Variants in RELN observed in about 807,000 individuals in gnomAD.
RELN encodes the protein reelin.
In RELN, 108 loss-of-function variants were observed where a neutral mutation model predicts 427.6. The ratio of observed to expected loss-of-function variants is 0.25; its 90% CI spans 0.22 to 0.30. RELN has a LOEUF of 0.30. Ranked by LOEUF, RELN falls within the 10% of genes least tolerant of loss-of-function variation. The pLI is 1.00. For missense variants in RELN, 3,715 were observed against 4,302.8 expected (o/e 0.86, Z 3.82); for synonymous variants, 1,524 against 1,513.4 (o/e 1.01, Z -0.16).
At chr7:103,631,188 G>GCAATAGAAGAAAACATATTTTC (rs1393526533) in intron 19 of RELN, among the ~76,000 whole-genome samples, 1 of 149,766 alleles carries the variant, frequency 6.7e-6, no homozygotes, top group Non-Finnish European at 1.5e-5. Context: ...AGGACTTGTT[G>GCAATAGAAGAAAACATATTTTC]CAATAGAAGA....
rs1831742852 is a variant in RELN, at chr7:103,603,992, C to T, written c.3146+354G>A. On this transcript the variant is annotated intron_variant, in intron 23 of 64. Coordinates refer to ENST00000428762, the MANE Select transcript of RELN (RefSeq NM_005045.4). The surrounding 1 kb of genome is among the most constrained non-coding windows in gnomAD (Gnocchi z 4.3). Reference sequence around the variant, plus strand: ...ATCTCCCCATGTATACAACCTTGAACTTCTGGTGAAGTGGTGTAAGAGGGC... The same window carrying T: ...ATCTCCCCATGTATACAACCTTGAATTTCTGGTGAAGTGGTGTAAGAGGGC... Among the ~76,000 whole-genome samples, 1 of 151,898 alleles carries T rather than the reference C, an allele frequency of 6.6e-6. No individual in the cohort carries two copies. Among genetic ancestry groups the T allele is most frequent in the Non-Finnish European group, 1.5e-5 (1 of 67,962 alleles).
Position 103,669,559 on chromosome 7 carries a change from C to CA in RELN, c.1290-8033dup, listed in dbSNP as rs1385323635. Among the ~76,000 whole-genome samples the CA allele has an allele frequency of 5.9e-5, 9 of 152,030 alleles. 1 individual carries two copies. Among genetic ancestry groups the CA allele is most frequent in the Non-Finnish European group, 1.3e-4 (9 of 68,006 alleles). On this transcript the variant is annotated intron_variant, in intron 11 of 64. Transcript: ENST00000428762. ...ACAAAGTTGTGGTCATTTCCTGTTA[C>CA]AAAAATTATATAGTTCCTGACTCTC...
At chr7:103,828,377 G>A (rs1281998614) in intron 3 of RELN, among the ~76,000 whole-genome samples, 1 of 129,452 alleles carries the variant, frequency 7.7e-6, no homozygotes, top group African/African-American at 2.9e-5. Flanking sequence ...CATATCAAAT[G>A]TTCAAATATG....
chr7:103,982,542 G>A (rs1175505698), intron 1 of RELN, among the ~76,000 whole-genome samples: 2 of 152,164 alleles, frequency 1.3e-5, no homozygotes, highest in Non-Finnish European at 2.9e-5. Flanking sequence ...GAACAAAGTG[G>A]TGAAGCAGAA....
chr7:103,472,731 T>C lies in RELN; in HGVS notation c.*81A>G, dbSNP rs560856156. On this transcript the variant is annotated 3_prime_UTR_variant, in exon 65 of 65. Transcript: ENST00000428762. The stretch of plus-strand genomic sequence containing the variant: ...CAAGTCCTTCACAGATATTTCCTGA[T>C]ATCAGATGTAGTGCGAGATTTAAAA... 1.1e-4 allele frequency: 125 copies of C among 1,099,704 alleles called. No individual in the cohort carries two copies. Among genetic ancestry groups the C allele is most frequent in the Admixed American group, 3.6e-4 (20 of 55,406 alleles). 68.1% of individuals were successfully genotyped at this position (1,099,704 alleles called of 1,614,324 possible). A position where few individuals can be genotyped will look rare whatever the true frequency, so the allele number is the denominator to read the frequency against.
chr7:103,943,848 CAAA>C lies in RELN; in HGVS notation c.227-26666_227-26664del, dbSNP rs10631941. ...GGGGAATGGAGCAAGATTCTGTCTC[CAAA>C]AAAAAAAAAAAAAAAAAAGAATTGG... On this transcript the variant is annotated intron_variant, in intron 1 of 64. Coordinates refer to ENST00000428762, the MANE Select transcript of RELN (RefSeq NM_005045.4). Among the ~76,000 whole-genome samples the C allele has an allele frequency of 1.5e-3, 115 of 76,434 alleles. No homozygotes were observed. The East Asian group carries it at 0.033, about 22-fold the overall frequency. The allele number at this position is 76,434 out of a possible 152,430, so 50.1% of individuals were successfully genotyped here. A position where few individuals can be genotyped will look rare whatever the true frequency, so the allele number is the denominator to read the frequency against.
chr7:103,834,409 A>T (rs1223079698), intron 2 of RELN, among the ~76,000 whole-genome samples: 1 of 152,196 alleles, frequency 6.6e-6, no homozygotes, highest in East Asian at 1.9e-4. Flanking sequence ...GCCTCATAAC[A>T]TCACAGTTGT....
intron 3 of RELN, among the ~76,000 whole-genome samples, chr7:103,781,823 C>T (rs530912206): frequency 1.3e-5 from 2 of 151,614 alleles, no homozygotes; most frequent in East Asian, 1.9e-4. Flanking sequence ...GATTCATTTC[C>T]AGAATTGTTA....
intron 2 of RELN, among the ~76,000 whole-genome samples, chr7:103,894,215 A>C (rs34109908): frequency 0.4 from 61,287 of 151,984 alleles, 13,400 homozygotes; most frequent in East Asian, 0.83. Flanking sequence ...CTATCTTTTG[A>C]ACAATTCAGC....
At chr7:103,726,850 TCAC>T (rs1357695489) in intron 7 of RELN, among the ~76,000 whole-genome samples, 1 of 152,168 alleles carries the variant, frequency 6.6e-6, no homozygotes, top group Non-Finnish European at 1.5e-5. Context: ...AAGAAAATCT[TCAC>T]CACCAGAGTC....
chr7:103,933,035 A>ACT (rs1795898944), intron 1 of RELN, among the ~76,000 whole-genome samples: 1 of 152,010 alleles, frequency 6.6e-6, no homozygotes. Flanking sequence ...AGGGCAAGAC[A>ACT]CTCTGGTTTG....
chr7:103,724,812 GA>G (rs926905069), intron 7 of RELN, among the ~76,000 whole-genome samples: 1,528 of 138,956 alleles, frequency 0.011, 26 homozygotes, highest in African/African-American at 0.037. Context: ...AAAGATGAAG[GA>G]AAAAAAAAAA....
intron 10 of RELN, among the ~76,000 whole-genome samples, chr7:103,689,018 A>T (rs948499975): frequency 1.3e-5 from 2 of 152,168 alleles, no homozygotes; most frequent in Admixed American, 1.3e-4. Context: ...GACCCTTCTA[A>T]ATTCAGTAAC....
chr7:103,813,203 T>C (rs1792787211), intron 3 of RELN, among the ~76,000 whole-genome samples: 1 of 152,160 alleles, frequency 6.6e-6, no homozygotes, highest in African/African-American at 2.4e-5. Flanking sequence ...TCTTTTATGA[T>C]CCTCTGGCTA....
Position 103,968,950 on chromosome 7 carries a change from C to T in RELN, c.226+20181G>A, listed in dbSNP as rs1796710202. On this transcript the variant is annotated intron_variant, in intron 1 of 64. Transcript: ENST00000428762. The surrounding 1 kb of genome is among the most constrained non-coding windows in gnomAD (Gnocchi z 4.3). Reference sequence around the variant, plus strand: ...CATGAAAAAGAAATGACCTATTTAACTTGACATTTTATAGGTTTCAATACC... The same window carrying T: ...CATGAAAAAGAAATGACCTATTTAATTTGACATTTTATAGGTTTCAATACC... Among the ~76,000 whole-genome samples the T allele has an allele frequency of 6.6e-6, 1 of 152,096 alleles. No individual in the cohort carries two copies. The highest frequency in any genetic ancestry group is 2.1e-4 in the South Asian group (1 of 4,822).
At position 103,488,961 on chromosome 7, in the gene RELN, C is replaced by T. The variant is rs546318726; in HGVS notation, c.9763+781G>A. 1.9e-4 allele frequency among the ~76,000 whole-genome samples: 29 copies of T among 152,298 alleles called. No homozygotes were observed. In the South Asian group the frequency reaches 3.7e-3, roughly 20 times the overall value. ...AAAGAAGATTTATTAGCATTGCTAT[C>T]GGCCAGGTATTAAGCTATGAGGATA... On this transcript the variant is annotated intron_variant, in intron 60 of 64. Coordinates refer to ENST00000428762, the MANE Select transcript of RELN (RefSeq NM_005045.4).
At chr7:103,602,325 T>C (rs538494614) in intron 24 of RELN, among the ~76,000 whole-genome samples, 1 of 152,294 alleles carries the variant, frequency 6.6e-6, no homozygotes, top group South Asian at 2.1e-4. Context: ...AGCAATCCCA[T>C]TATGGGTATA....
At chr7:103,540,574 T>A in intron 43 of RELN, 119 bp from the exon 44 acceptor site, 1 of 859,808 alleles carries the variant, frequency 1.2e-6, no homozygotes, top group Non-Finnish European at 1.9e-6. Context: ...TATGGCGATT[T>A]AATGAGTGTC....
chr7:103,760,048 T>C (rs1791259958), intron 4 of RELN, among the ~76,000 whole-genome samples: 1 of 146,378 alleles, frequency 6.8e-6, no homozygotes, highest in Non-Finnish European at 1.5e-5. Context: ...TTTATTTGAA[T>C]TACTGCATTC....
Sources: allele counts gnomAD v4.1 joint callset (sites outside exome capture counted in the v4.1 genomes callset), GRCh38; gene constraint gnomAD v4.1.1; non-coding constraint Gnocchi (gnomAD v3.1); transcripts MANE v1.5; gene names NCBI Gene and HGNC (gene_info 2026-07-23, HGNC 2026-07-21).